TUSC3: variants seen among roughly 807,000 people sequenced by gnomAD.
TUSC3 encodes the protein tumor suppressor candidate 3.
Under a neutral mutation model 44.8 loss-of-function variants are expected in TUSC3, and 45 were observed. The ratio of observed to expected loss-of-function variants is 1.00; its 90% CI spans 0.79 to 1.29. The LOEUF is 1.29. Among genes scored for constraint, TUSC3 ranks in the 50% most tolerant of loss-of-function variants. TUSC3 has a pLI of 0.00. For missense variants in TUSC3, 519 were observed against 437.9 expected (o/e 1.19, Z -1.65); for synonymous variants, 212 against 152.9 (o/e 1.39, Z -2.85).
chr8:15,715,671 A>C (rs1810028003), intron 6 of TUSC3, among the ~76,000 whole-genome samples: 1 of 151,798 alleles, frequency 6.6e-6, no homozygotes, highest in South Asian at 2.1e-4. Context: ...ATAAGGGGGG[A>C]CTACTATGCA....
chr8:15,573,644 C>T (rs953327837), intron 1 of TUSC3, among the ~76,000 whole-genome samples: 1 of 151,928 alleles, frequency 6.6e-6, no homozygotes, highest in Non-Finnish European at 1.5e-5. Flanking sequence ...TGTTTATGAA[C>T]CCTCAGACTT....
intron 1 of TUSC3, among the ~76,000 whole-genome samples, chr8:15,452,477 C>A (rs1800207286): frequency 6.6e-6 from 1 of 151,988 alleles, no homozygotes; most frequent in Non-Finnish European, 1.5e-5. Context: ...TAGATGATAT[C>A]TCCTTAGTTT....
intron 2 of TUSC3, among the ~76,000 whole-genome samples, chr8:15,625,104 C>G (rs894846453): frequency 3.3e-5 from 5 of 152,032 alleles, no homozygotes; most frequent in African/African-American, 1.2e-4. Context: ...TTTGTTGTCA[C>G]TTTATGTAGT....
chr8:15,525,579 G>C (rs1801362300), intron 2 of TUSC3, among the ~76,000 whole-genome samples: 1 of 152,164 alleles, frequency 6.6e-6, no homozygotes, highest in Non-Finnish European at 1.5e-5. Context: ...AGAGTGTAAA[G>C]TGGTCCTGAG....
At chr8:15,617,141 T>A (rs1445514349) in intron 1 of TUSC3, among the ~76,000 whole-genome samples, 6,293 of 84,438 alleles carry the variant, frequency 0.075, 248 homozygotes, top group African/African-American at 0.12. Context: ...TGTATATATT[T>A]TTTTTTTTTT....
At chr8:15,757,065 G>T (rs1175188117) in intron 9 of TUSC3, among the ~76,000 whole-genome samples, 1 of 152,148 alleles carries the variant, frequency 6.6e-6, no homozygotes, top group Admixed American at 6.5e-5. Context: ...GAGCCCAGGA[G>T]TTTGAGGCTG....
At chr8:15,541,749 T>A (rs1489345782) in intron 1 of TUSC3, among the ~76,000 whole-genome samples, 4 of 151,662 alleles carry the variant, frequency 2.6e-5, no homozygotes, top group Admixed American at 2.6e-4. Context: ...AAATTAATGA[T>A]TTTTTTTAGC....
chr8:15,420,565 C>G (rs532023999), intron 1 of TUSC3, among the ~76,000 whole-genome samples: 1 of 151,320 alleles, frequency 6.6e-6, no homozygotes, highest in Non-Finnish European at 1.5e-5. Flanking sequence ...AGTCATTTCC[C>G]CTAACAGTAC....
At chr8:15,627,059 A>AGC (rs1805543762) in intron 2 of TUSC3, among the ~76,000 whole-genome samples, 1 of 152,196 alleles carries the variant, frequency 6.6e-6, no homozygotes, top group Non-Finnish European at 1.5e-5. Context: ...TGCACCAGTC[A>AGC]GCGCACACTA....
In TUSC3 at chr8:15,465,812, G is replaced by T. The variant is rs192107625; in HGVS notation, n.92-17574G>T. ...TCTTTTTCTCTTAAATGACTTAGTT[G>T]CTGACTTGGTTGATTTTTCTCTCGA... On this transcript the variant is annotated intron_variant and non_coding_transcript_variant, in intron 1 of 5. Coordinates refer to the TUSC3 transcript ENST00000503191. Among the ~76,000 whole-genome samples the T allele has an allele frequency of 7.2e-5, 11 of 152,188 alleles. No individual in the cohort carries two copies. In the East Asian group the frequency reaches 2.1e-3, roughly 29 times the overall value.
intron 1 of TUSC3, among the ~76,000 whole-genome samples, chr8:15,613,954 C>T (rs1417719912): frequency 2.0e-5 from 3 of 151,472 alleles, no homozygotes; most frequent in African/African-American, 7.3e-5. Flanking sequence ...CACTCATTTT[C>T]CCTGTGTTAT....
chr8:15,472,783 G>C (rs917624780), intron 1 of TUSC3, among the ~76,000 whole-genome samples: 1 of 152,038 alleles, frequency 6.6e-6, no homozygotes, highest in African/African-American at 2.4e-5. Flanking sequence ...AATCCATTAT[G>C]GTGTAGAAAT....
intron 1 of TUSC3, among the ~76,000 whole-genome samples, chr8:15,588,051 C>T (rs1432493979): frequency 6.6e-6 from 1 of 152,030 alleles, no homozygotes; most frequent in Non-Finnish European, 1.5e-5. Flanking sequence ...AATATACTGA[C>T]TTCCTTTCCT....
chr8:15,756,836 A>G (rs76495387), intron 9 of TUSC3, among the ~76,000 whole-genome samples: 3,566 of 152,104 alleles, frequency 0.023, 133 homozygotes, highest in African/African-American at 0.082. Flanking sequence ...TATTCCCCAA[A>G]CTCGAGCTCT....
At chr8:15,488,392 C>G (rs1182550106) in intron 2 of TUSC3, among the ~76,000 whole-genome samples, 1 of 151,816 alleles carries the variant, frequency 6.6e-6, no homozygotes, top group Non-Finnish European at 1.5e-5. Flanking sequence ...GTCCTGGCTA[C>G]TTAGGAGACT....
chr8:15,521,181 G>A (rs59714507), intron 2 of TUSC3, among the ~76,000 whole-genome samples: 2,578 of 152,176 alleles, frequency 0.017, 46 homozygotes, highest in East Asian at 0.086. Flanking sequence ...TTTGCCTGCC[G>A]TTTATGTATA....
intron 2 of TUSC3, among the ~76,000 whole-genome samples, chr8:15,525,663 A>T (rs1801363841): frequency 6.6e-6 from 1 of 152,188 alleles, no homozygotes; most frequent in African/African-American, 2.4e-5. Flanking sequence ...TAATCCAGAA[A>T]GACAGAGCTC....
chr8:15,700,236 C>A (rs1809337666), intron 6 of TUSC3, among the ~76,000 whole-genome samples: 1 of 152,180 alleles, frequency 6.6e-6, no homozygotes, highest in South Asian at 2.1e-4. Flanking sequence ...ACTCACACTT[C>A]AAGTCATTTA....
At chr8:15,643,614 C>G (rs567514548) in intron 2 of TUSC3, among the ~76,000 whole-genome samples, 2 of 152,202 alleles carry the variant, frequency 1.3e-5, no homozygotes, top group Middle Eastern at 3.4e-3. Context: ...CAGGGAACAG[C>G]TTTAAGAAAC....
Sources: gnomAD v4.1 joint callset for allele counts (sites outside exome capture counted in the v4.1 genomes callset) on GRCh38, gnomAD v4.1.1 for gene constraint, MANE v1.5 for transcripts, NCBI Gene and HGNC (gene_info 2026-07-23, HGNC 2026-07-21) for gene names.